Variants in RPRD1A observed in about 807,000 individuals in gnomAD.
RPRD1A encodes regulation of nuclear pre-mRNA domain-containing protein 1A.
In RPRD1A, 9 loss-of-function variants were observed where a neutral mutation model predicts 37.8. That is an observed-to-expected ratio of 0.24 (90% CI 0.14 to 0.42). RPRD1A has a LOEUF of 0.42. Ranked by LOEUF, RPRD1A falls within the 10% of genes least tolerant of loss-of-function variation. RPRD1A has a pLI of 1.00. For synonymous variants in RPRD1A, 138 were observed against 139.7 expected, an observed-to-expected ratio of 0.99 and a Z score of 0.08; for missense variants, 255 against 371.0, an observed-to-expected ratio of 0.69 and a Z score of 2.57.
At chr18:36,029,875 G>A (rs1158823518) in intron 4 of RPRD1A, among the ~76,000 whole-genome samples, 2 of 150,994 alleles carry the variant, frequency 1.3e-5, no homozygotes, top group South Asian at 2.1e-4. Flanking sequence ...GTGCTATCTC[G>A]GTTCACTGCA....
At chr18:36,028,302 T>A (rs1185973157) in intron 4 of RPRD1A, 1 of 152,102 alleles carries the variant, frequency 6.6e-6, no homozygotes, top group Non-Finnish European at 1.5e-5. Context: ...ATGAAACTAA[T>A]AAGAAATATA....
At chr18:36,044,529 A>T (rs979787413) in intron 1 of RPRD1A, among the ~76,000 whole-genome samples, 4 of 152,006 alleles carry the variant, frequency 2.6e-5, no homozygotes, top group Non-Finnish European at 5.9e-5. Flanking sequence ...CTCTACTAAA[A>T]ATACAAAAAT....
intron 4 of RPRD1A, among the ~76,000 whole-genome samples, chr18:36,030,206 C>T (rs183138770): frequency 5.5e-4 from 84 of 151,514 alleles, no homozygotes; most frequent in East Asian, 2.9e-3. Context: ...ATACATGAGC[C>T]GGGCACAGTG....
At chr18:36,027,983 G>A (rs2144278068) in intron 4 of RPRD1A, 1 of 152,048 alleles carries the variant, frequency 6.6e-6, no homozygotes, top group East Asian at 1.9e-4. Flanking sequence ...TACTTCCACT[G>A]TTTTCATACA....
chr18:36,005,254 T>C (rs1909674944), intron 6 of RPRD1A, among the ~76,000 whole-genome samples: 1 of 150,504 alleles, frequency 6.6e-6, no homozygotes, highest in Non-Finnish European at 1.5e-5. Flanking sequence ...TGAGCTGAGA[T>C]TGCGCCACTG....
intron 1 of RPRD1A, among the ~76,000 whole-genome samples, chr18:36,059,220 C>T (rs1914001963): frequency 6.6e-6 from 1 of 152,098 alleles, no homozygotes; most frequent in Non-Finnish European, 1.5e-5. Context: ...TCACTGCAAC[C>T]TCCGCTTCCC....
At chr18:36,057,944 G>C (rs1716098404) in intron 1 of RPRD1A, among the ~76,000 whole-genome samples, 1 of 152,200 alleles carries the variant, frequency 6.6e-6, no homozygotes, top group African/African-American at 2.4e-5. Flanking sequence ...TAAGCTCCAT[G>C]AACACAGCTG....
chr18:36,026,787 A>T (rs562193084), intron 6 of RPRD1A, 113 bp downstream of exon 6: 132 of 871,752 alleles, frequency 1.5e-4, no homozygotes, highest in Non-Finnish European at 2.1e-4. Flanking sequence ...GCTACTGCTT[A>T]AAAAGGTCTA....
chr18:36,004,507 G>A (rs1449682289), intron 6 of RPRD1A, among the ~76,000 whole-genome samples: 3 of 150,684 alleles, frequency 2.0e-5, no homozygotes, highest in African/African-American at 4.9e-5. Flanking sequence ...CTCCCACCTC[G>A]GCTTCCCAAA....
At position 36,067,136 on chromosome 18, in the gene RPRD1A, C is replaced by T. The variant is rs1237233290; in HGVS notation, c.151+118G>A. ...ACGCAGCTCCTCCAAGCCCGCAGAC[C>T]ACCGCGCGCTGGCATCCCGACGCCG... On this transcript the variant is annotated intron_variant, in intron 1 of 6. Coordinates refer to ENST00000399022, the MANE Select transcript of RPRD1A (RefSeq NM_018170.5). 9.8e-6 allele frequency: 11 copies of T among 1,120,018 alleles called. No individual in the cohort carries two copies. The Admixed American group carries it at 2.8e-4, about 28-fold the overall frequency. 69.4% of individuals were successfully genotyped at this position (1,120,018 alleles called of 1,614,324 possible). A position where few individuals can be genotyped will look rare whatever the true frequency, so the allele number is the denominator to read the frequency against.
chr18:36,048,144 G>A (rs1343161402), intron 1 of RPRD1A, among the ~76,000 whole-genome samples: 6 of 134,428 alleles, frequency 4.5e-5, no homozygotes, highest in African/African-American at 1.1e-4. Flanking sequence ...TGGGCTCACC[G>A]CAACCTCCAC....
chr18:36,062,110 G>A (rs1422330896), intron 1 of RPRD1A, among the ~76,000 whole-genome samples: 5 of 151,616 alleles, frequency 3.3e-5, no homozygotes, highest in East Asian at 1.9e-4. Flanking sequence ...GAGGTCAGGA[G>A]ATCGAGACCA....
At chr18:36,011,824 G>C (rs1464105040) in intron 6 of RPRD1A, among the ~76,000 whole-genome samples, 1 of 152,184 alleles carries the variant, frequency 6.6e-6, no homozygotes, top group Non-Finnish European at 1.5e-5. Flanking sequence ...TAAAGATTTT[G>C]TAAGAGTCCA....
chr18:36,065,227 T>G (rs1425830741), intron 1 of RPRD1A, among the ~76,000 whole-genome samples: 1 of 152,196 alleles, frequency 6.6e-6, no homozygotes, highest in African/African-American at 2.4e-5. Flanking sequence ...TATGCATATT[T>G]TAATATAGGT....
At chr18:36,009,309 C>A in intron 6 of RPRD1A, among the ~76,000 whole-genome samples, 1 of 152,124 alleles carries the variant, frequency 6.6e-6, no homozygotes, top group East Asian at 1.9e-4. Context: ...TGCCCTTTTC[C>A]CCCGTTCCAA....
At chr18:36,040,789 G>A (rs1351118948) in intron 1 of RPRD1A, 2 of 1,450,884 alleles carry the variant, frequency 1.4e-6, no homozygotes, top group South Asian at 1.3e-5. Flanking sequence ...TAGAAGAAAA[G>A]TGTTTTTATT....
At chr18:36,019,661 T>G (rs1011220565) in intron 6 of RPRD1A, among the ~76,000 whole-genome samples, 2 of 152,166 alleles carry the variant, frequency 1.3e-5, no homozygotes, top group African/African-American at 4.8e-5. Context: ...TCCCTCCCAA[T>G]AAGTCACTAA....
At chr18:36,010,334 A>T (rs977753631) in intron 6 of RPRD1A, among the ~76,000 whole-genome samples, 2 of 151,686 alleles carry the variant, frequency 1.3e-5, no homozygotes, top group Non-Finnish European at 2.9e-5. Context: ...AAATAAAAAT[A>T]AAAAAAAGAT....
chr18:36,058,935 T>G (rs887153081), intron 1 of RPRD1A, among the ~76,000 whole-genome samples: 1 of 152,206 alleles, frequency 6.6e-6, no homozygotes, highest in Non-Finnish European at 1.5e-5. Context: ...AGAGAGATCT[T>G]ATAAAGATCT....
Sources: gnomAD v4.1 joint callset for allele counts (sites outside exome capture counted in the v4.1 genomes callset) on GRCh38, gnomAD v4.1.1 for gene constraint, MANE v1.5 for transcripts, NCBI Gene and HGNC (gene_info 2026-07-23, HGNC 2026-07-21) for gene names.